IL1RAPL1: variants seen among roughly 807,000 people sequenced by gnomAD.
The protein encoded by IL1RAPL1 is interleukin 1 receptor accessory protein like 1.
Under a neutral mutation model 48.4 loss-of-function variants are expected in IL1RAPL1, and 3 were observed. The observed-to-expected ratio is 0.06, with a 90% CI of 0.03 to 0.16. The LOEUF is 0.16. Among genes scored for constraint, IL1RAPL1 ranks in the 10% least tolerant of loss-of-function variants. The probability of loss-of-function intolerance (pLI) is 1.00; values close to 1 mark genes in which losing one functional copy is unlikely to be tolerated. For synonymous variants in IL1RAPL1, 185 were observed against 187.7 expected, an observed-to-expected ratio of 0.99 and a Z score of 0.12; for missense variants, 349 against 530.6, an observed-to-expected ratio of 0.66 and a Z score of 3.36.
chrX:29,320,338 T>TCAGGTCCAAATGGGACCTG (rs1264427297), intron 3 of IL1RAPL1, among the ~76,000 whole-genome samples: 2 of 112,381 alleles, frequency 1.8e-5, no homozygotes, highest in Non-Finnish European at 3.7e-5. Context: ...CCTTATCTAT[T>TCAGGTCCAAATGGGACCTG]AATTATATTC....
intron 6 of IL1RAPL1, among the ~76,000 whole-genome samples, chrX:29,881,171 T>A (rs771303522): frequency 2.7e-5 from 3 of 111,076 alleles, no homozygotes; most frequent in Non-Finnish European, 5.7e-5. Flanking sequence ...TATTCGGTTC[T>A]ACTTTTTCAA....
intron 6 of IL1RAPL1, among the ~76,000 whole-genome samples, chrX:29,844,131 T>C (rs1931196379): frequency 8.9e-6 from 1 of 112,125 alleles, no homozygotes; most frequent in African/African-American, 3.2e-5. Flanking sequence ...TGACCATGTC[T>C]GTCTATCCAT....
At chrX:29,678,787 T>G (rs929805519) in intron 6 of IL1RAPL1, among the ~76,000 whole-genome samples, 2 of 111,844 alleles carry the variant, frequency 1.8e-5, no homozygotes, top group Non-Finnish European at 3.8e-5. Flanking sequence ...GATTTAAAAA[T>G]TTTTGTTTTC....
At chrX:28,757,128 T>G (rs1198735621) in intron 1 of IL1RAPL1, among the ~76,000 whole-genome samples, 9 of 112,515 alleles carry the variant, frequency 8.0e-5, no homozygotes, top group Non-Finnish European at 1.7e-4. Context: ...CTTCAATTTC[T>G]TTACCTTGCA....
intron 5 of IL1RAPL1, among the ~76,000 whole-genome samples, chrX:29,522,896 C>G (rs1450940341): frequency 9.0e-6 from 1 of 111,360 alleles, no homozygotes. Flanking sequence ...TGTGTTCTCT[C>G]TCTCTCTCAT....
At chrX:29,225,616 T>A (rs1272218770) in intron 2 of IL1RAPL1, among the ~76,000 whole-genome samples, 1 of 111,926 alleles carries the variant, frequency 8.9e-6, no homozygotes, top group Non-Finnish European at 1.9e-5. Flanking sequence ...GATTTTTAAA[T>A]GCTGGGGTGA....
chrX:29,164,578 A>T (rs1929749384), intron 2 of IL1RAPL1, among the ~76,000 whole-genome samples: 1 of 111,553 alleles, frequency 9.0e-6, no homozygotes, highest in Non-Finnish European at 1.9e-5. Flanking sequence ...TACTATAAGA[A>T]GCCTTCACAT....
chrX:28,718,327 TAAA>T (rs1303141379), intron 1 of IL1RAPL1, among the ~76,000 whole-genome samples: 1 of 111,979 alleles, frequency 8.9e-6, no homozygotes, highest in Non-Finnish European at 1.9e-5. Context: ...ATAAATGAAT[TAAA>T]AAATAAACTA....
intron 2 of IL1RAPL1, among the ~76,000 whole-genome samples, chrX:29,195,855 C>G (rs1237050196): frequency 9.0e-6 from 1 of 111,578 alleles, no homozygotes; most frequent in African/African-American, 3.3e-5. Flanking sequence ...GCCACTGCAC[C>G]CGGCCTATCT....
At chrX:29,869,526 A>G (rs1931761569) in intron 6 of IL1RAPL1, among the ~76,000 whole-genome samples, 1 of 111,550 alleles carries the variant, frequency 9.0e-6, no homozygotes, top group Non-Finnish European at 1.9e-5. Flanking sequence ...AAAAGCTAAG[A>G]GTCTCATCAT....
chrX:29,333,624 CAGA>C (rs1932920144), intron 3 of IL1RAPL1, among the ~76,000 whole-genome samples: 1 of 85,549 alleles, frequency 1.2e-5, no homozygotes, highest in Non-Finnish European at 2.3e-5. Context: ...GCTGGCCGGG[CAGA>C]GGGGCTCCTC....
chrX:28,671,735 G>A (rs1452404088), intron 1 of IL1RAPL1, among the ~76,000 whole-genome samples: 1 of 112,208 alleles, frequency 8.9e-6, no homozygotes, highest in Admixed American at 9.5e-5. Context: ...AGTAGAAGGA[G>A]CATTGAAGTT....
chrX:28,980,042 A>T, intron 2 of IL1RAPL1, among the ~76,000 whole-genome samples: 1 of 112,271 alleles, frequency 8.9e-6, no homozygotes, highest in Non-Finnish European at 1.9e-5. Flanking sequence ...TCTATGACTG[A>T]GATGGCAGAG....
intron 2 of IL1RAPL1, among the ~76,000 whole-genome samples, chrX:29,103,850 G>A (rs1928393968): frequency 8.9e-6 from 1 of 111,965 alleles, no homozygotes; most frequent in Non-Finnish European, 1.9e-5. Flanking sequence ...CAAGTAAATG[G>A]TAAATAGGTC....
chrX:28,669,199 G>A (rs1196018977), intron 1 of IL1RAPL1, among the ~76,000 whole-genome samples: 1 of 111,431 alleles, frequency 9.0e-6, no homozygotes, highest in African/African-American at 3.3e-5. Context: ...CTTTATTTCA[G>A]GCTCTTTGCT....
chrX:29,513,428 T>A (rs1935414727), intron 5 of IL1RAPL1, among the ~76,000 whole-genome samples: 1 of 112,037 alleles, frequency 8.9e-6, no homozygotes, highest in African/African-American at 3.2e-5. Flanking sequence ...CAGAATTTAT[T>A]TAACCAATCT....
At chrX:29,258,468 C>T (rs1267484414) in intron 2 of IL1RAPL1, among the ~76,000 whole-genome samples, 3 of 111,254 alleles carry the variant, frequency 2.7e-5, no homozygotes, top group Non-Finnish European at 5.7e-5. Context: ...TTGTTTTATA[C>T]GACATTGTTC....
chrX:28,946,337 A>G (rs1924303085), intron 2 of IL1RAPL1, among the ~76,000 whole-genome samples: 1 of 85,056 alleles, frequency 1.2e-5, no homozygotes, highest in Non-Finnish European at 2.7e-5. Flanking sequence ...AGGGGAAAGC[A>G]ATAGGGGTAG....
intron 3 of IL1RAPL1, among the ~76,000 whole-genome samples, chrX:29,341,042 A>G (rs1475190760): frequency 1.8e-5 from 2 of 112,309 alleles, no homozygotes; most frequent in African/African-American, 3.2e-5. Flanking sequence ...ACTGAAATCA[A>G]TGTTCTAATT....
Sources: gnomAD v4.1 joint callset for allele counts (sites outside exome capture counted in the v4.1 genomes callset) on GRCh38, gnomAD v4.1.1 for gene constraint, MANE v1.5 for transcripts, NCBI Gene and HGNC (gene_info 2026-07-23, HGNC 2026-07-21) for gene names.